GALNTL6: variants seen among roughly 807,000 people sequenced by gnomAD.
The protein encoded by GALNTL6 is polypeptide N-acetylgalactosaminyltransferase like 6, also known as polypeptide N-acetylgalactosaminyltransferase-like 6.
GALNTL6 carries 46 observed loss-of-function variants against 73.7 expected under a neutral mutation model. The ratio of observed to expected loss-of-function variants is 0.62; its 90% CI spans 0.49 to 0.80. The LOEUF (loss-of-function observed/expected upper bound fraction) is 0.80. Ranked by LOEUF, GALNTL6 falls within the 30% of genes least tolerant of loss-of-function variation. GALNTL6 has a pLI of 0.00. For missense variants in GALNTL6, 604 were observed against 755.0 expected (o/e 0.80, Z 2.34); for synonymous variants, 259 against 263.7 (o/e 0.98, Z 0.17).
At chr4:171,989,831 C>T (rs1208791890) in intron 2 of GALNTL6, among the ~76,000 whole-genome samples, 1 of 152,180 alleles carries the variant, frequency 6.6e-6, no homozygotes, top group Non-Finnish European at 1.5e-5. Context: ...CTCAGGGTTG[C>T]TGCCGAACGA....
chr4:172,843,909 A>C (rs1743349867), intron 7 of GALNTL6, among the ~76,000 whole-genome samples: 1 of 152,086 alleles, frequency 6.6e-6, no homozygotes, highest in South Asian at 2.1e-4. Context: ...AAACACAAAA[A>C]TTAGCCAGGC....
chr4:171,900,844 T>C (rs1560832379), intron 2 of GALNTL6, among the ~76,000 whole-genome samples: 1 of 152,064 alleles, frequency 6.6e-6, no homozygotes, highest in Non-Finnish European at 1.5e-5. Context: ...CACAAGAATT[T>C]TATAAATTAT....
chr4:172,106,051 G>A (rs966079183), intron 2 of GALNTL6, among the ~76,000 whole-genome samples: 2 of 152,082 alleles, frequency 1.3e-5, no homozygotes, highest in Non-Finnish European at 2.9e-5. Context: ...GTAACTTCTT[G>A]GTCTATTTGG....
At chr4:172,378,978 A>G (rs1743155745) in intron 5 of GALNTL6, among the ~76,000 whole-genome samples, 1 of 152,198 alleles carries the variant, frequency 6.6e-6, no homozygotes, top group Non-Finnish European at 1.5e-5. Flanking sequence ...TTAGTCTTTT[A>G]GTTTATTTTC....
rs78078030 is a variant in GALNTL6, at chr4:172,606,142, T to C, written c.554-203219T>C. On this transcript the variant is annotated intron_variant, in intron 5 of 12. Transcript: ENST00000506823. ...GAGAAAGACCAGATTGTGAAGAGCCTTGTGAGCCATAATATATGTTTGAAC... is the reference window on the plus strand; with the variant it reads ...GAGAAAGACCAGATTGTGAAGAGCCCTGTGAGCCATAATATATGTTTGAAC... 8.7e-4 allele frequency among the ~76,000 whole-genome samples: 132 copies of C among 152,250 alleles called. No individual in the cohort carries two copies. The East Asian group carries it at 0.025, about 28-fold the overall frequency.
chr4:172,813,678 C>G lies in GALNTL6; in HGVS notation c.878C>G (p.Pro293Arg), dbSNP rs747954275. ...FDWEMYYKRI[P>R]IPPELQRADP... ...TGGGAAATGTACTACAAAAGAATCC[C>G]CATCCCTCCAGAGCTCCAGAGGGCA... Residue 293 changes from proline to arginine, a missense_variant, in exon 7 of 13, where the codon CCC becomes CGC. Coordinates refer to ENST00000506823, the MANE Select transcript of GALNTL6 (RefSeq NM_001034845.3). The G allele has an allele frequency of 6.2e-7, 1 of 1,612,598 alleles. No homozygotes were observed. Among genetic ancestry groups the G allele is most frequent in the Non-Finnish European group, 8.5e-7 (1 of 1,178,944 alleles).
intron 2 of GALNTL6, among the ~76,000 whole-genome samples, chr4:171,893,116 G>T (rs1019791679): frequency 6.6e-6 from 1 of 152,140 alleles, no homozygotes; most frequent in African/African-American, 2.4e-5. Flanking sequence ...TGATGTTGAG[G>T]TCTTTCCTCC....
chr4:171,918,476 C>T (rs1175114134), intron 2 of GALNTL6, among the ~76,000 whole-genome samples: 10 of 151,966 alleles, frequency 6.6e-5, no homozygotes, highest in Admixed American at 4.6e-4. Context: ...TAAGTGATAT[C>T]AGATGGTTAA....
At chr4:172,854,633 CATTCTAT>C (rs2111118648) in intron 7 of GALNTL6, among the ~76,000 whole-genome samples, 1 of 152,252 alleles carries the variant, frequency 6.6e-6, no homozygotes, top group South Asian at 2.1e-4. Context: ...TGTCTTTCCC[CATTCTAT>C]ATCCAATTGT....
chr4:172,311,755 G>A lies in GALNTL6; in HGVS notation c.386+3G>A, dbSNP rs775901958. On this transcript the variant is annotated splice_donor_region_variant and intron_variant, in intron 4 of 12. Coordinates refer to ENST00000506823, the MANE Select transcript of GALNTL6 (RefSeq NM_001034845.3). ...CTGCCAGATATTCGTCATGCTAAGT[G>A]AGTATCAGCATATCAGTGATCAGGG... 9.5e-6 allele frequency: 15 copies of A among 1,580,230 alleles called. No individual in the cohort carries two copies. The highest frequency in any genetic ancestry group is 1.2e-5 in the South Asian group (1 of 86,064).
At chr4:172,306,161 G>A (rs1391463372) in intron 3 of GALNTL6, among the ~76,000 whole-genome samples, 1 of 152,116 alleles carries the variant, frequency 6.6e-6, no homozygotes, top group African/African-American at 2.4e-5. Context: ...GGCCAAGCTG[G>A]GAAAGTAACC....
At chr4:172,689,217 C>T (rs1733114756) in intron 5 of GALNTL6, among the ~76,000 whole-genome samples, 1 of 152,060 alleles carries the variant, frequency 6.6e-6, no homozygotes, top group Non-Finnish European at 1.5e-5. Flanking sequence ...TATTTATGTT[C>T]ATTGGTAATA....
rs999078528 is a variant in GALNTL6, at chr4:172,725,134, T to TTCTCA, written c.554-84222_554-84218dup. ...ATTCCATATAGCATTTTAGGGGTAATTCTCATCTCCTACCTTAGTTCTTTG... is the reference window on the plus strand; with the variant it reads ...ATTCCATATAGCATTTTAGGGGTAATTCTCATCTCATCTCCTACCTTAGTTCTTTG... On this transcript the variant is annotated intron_variant, in intron 5 of 12. Coordinates refer to ENST00000506823, the MANE Select transcript of GALNTL6 (RefSeq NM_001034845.3). Among the ~76,000 whole-genome samples, 102 of 152,362 alleles carry TTCTCA rather than the reference T, an allele frequency of 6.7e-4. 1 individual carries two copies. The highest frequency in any genetic ancestry group is 2.5e-3 in the African/African-American group (102 of 41,578).
chr4:172,207,060 G>T (rs544798381), intron 2 of GALNTL6, among the ~76,000 whole-genome samples: 1 of 151,324 alleles, frequency 6.6e-6, no homozygotes, highest in Admixed American at 6.6e-5. Context: ...CTCGTGATCC[G>T]CCCCCCTTGG....
At chr4:172,436,320 G>T (rs1466922051) in intron 5 of GALNTL6, among the ~76,000 whole-genome samples, 1 of 152,012 alleles carries the variant, frequency 6.6e-6, no homozygotes, top group Non-Finnish European at 1.5e-5. Context: ...AAGCTCATAA[G>T]ATATGAGATA....
chr4:171,988,571 T>C (rs58790835), intron 2 of GALNTL6, among the ~76,000 whole-genome samples: 99,923 of 151,902 alleles, frequency 0.66, 33,119 homozygotes, highest in South Asian at 0.83. Context: ...GGAGAGTATA[T>C]GGGTTTGGCA....
intron 2 of GALNTL6, among the ~76,000 whole-genome samples, chr4:172,011,649 A>G (rs1741010478): frequency 6.6e-6 from 1 of 151,886 alleles, no homozygotes; most frequent in Non-Finnish European, 1.5e-5. Flanking sequence ...TTCCTATATT[A>G]TTTTTCCCTT....
At chr4:172,110,817 C>A (rs779199355) in intron 2 of GALNTL6, among the ~76,000 whole-genome samples, 6 of 151,966 alleles carry the variant, frequency 3.9e-5, no homozygotes, top group Non-Finnish European at 8.8e-5. Context: ...ATACTGACAC[C>A]CATAACTCCT....
chr4:171,821,477 C>T (rs1734682344), intron 2 of GALNTL6, among the ~76,000 whole-genome samples: 1 of 151,986 alleles, frequency 6.6e-6, no homozygotes, highest in Admixed American at 6.6e-5. Context: ...ATTATTTAGG[C>T]TTAAAAATTC....
Sources: allele counts gnomAD v4.1 joint callset (sites outside exome capture counted in the v4.1 genomes callset), GRCh38; gene constraint gnomAD v4.1.1; transcripts MANE v1.5; gene names NCBI Gene and HGNC (gene_info 2026-07-23, HGNC 2026-07-21).